GPC6: variants seen among roughly 807,000 people sequenced by gnomAD.
GPC6 encodes the protein glypican-6.
GPC6 carries 14 observed loss-of-function variants against 55.2 expected under a neutral mutation model. The ratio of observed to expected loss-of-function variants is 0.25; its 90% CI spans 0.17 to 0.40. The LOEUF (loss-of-function observed/expected upper bound fraction) is 0.40. Among genes scored for constraint, GPC6 ranks in the 10% least tolerant of loss-of-function variants. GPC6 has a pLI of 1.00. For synonymous variants in GPC6, 278 were observed against 259.6 expected (o/e 1.07, Z -0.68); for missense variants, 641 against 708.5 (o/e 0.90, Z 1.08).
intron 2 of GPC6, among the ~76,000 whole-genome samples, chr13:93,565,673 C>T (rs1462665306): frequency 6.6e-6 from 1 of 152,016 alleles, no homozygotes; most frequent in African/African-American, 2.4e-5. Flanking sequence ...CCTTTAATCC[C>T]AGCACTTTGG....
chr13:93,366,475 T>C (rs1020644446), intron 1 of GPC6, among the ~76,000 whole-genome samples: 1 of 152,092 alleles, frequency 6.6e-6, no homozygotes, highest in Admixed American at 6.6e-5. Flanking sequence ...GCATGCTTCA[T>C]TGCAGCTCAA....
chr13:93,960,820 T>TC (rs1879736448), intron 3 of GPC6, among the ~76,000 whole-genome samples: 1 of 149,708 alleles, frequency 6.7e-6, no homozygotes. Flanking sequence ...TTTTTCTTTT[T>TC]TTTTTTTTTT....
At chr13:93,716,217 A>G (rs548950540) in intron 2 of GPC6, among the ~76,000 whole-genome samples, 1 of 151,788 alleles carries the variant, frequency 6.6e-6, no homozygotes, top group Admixed American at 6.6e-5. Flanking sequence ...TGCATTTACT[A>G]TACTATGTTT....
At chr13:93,938,182 C>T (rs1160634627) in intron 3 of GPC6, among the ~76,000 whole-genome samples, 1 of 152,050 alleles carries the variant, frequency 6.6e-6, no homozygotes, top group East Asian at 1.9e-4. Flanking sequence ...GCCAATTTTT[C>T]CTGATAATAG....
chr13:94,103,810 A>C (rs1449134904), intron 4 of GPC6, among the ~76,000 whole-genome samples: 1 of 152,040 alleles, frequency 6.6e-6, no homozygotes, highest in Non-Finnish European at 1.5e-5. Context: ...TAGATTGCAA[A>C]AATTTTCTCC....
chr13:94,175,961 G>T (rs199912308), intron 4 of GPC6, among the ~76,000 whole-genome samples: 6,608 of 117,482 alleles, frequency 0.056, 178 homozygotes, highest in Middle Eastern at 0.09. Context: ...TATATAGAGA[G>T]AGAGAGAGAG....
chr13:94,284,726 T>G (rs925241003), intron 4 of GPC6, among the ~76,000 whole-genome samples: 21 of 152,188 alleles, frequency 1.4e-4, no homozygotes, highest in African/African-American at 4.8e-4. Context: ...TTTGTGTGTT[T>G]TTTAGTAAAA....
chr13:93,854,133 C>T (rs8001985), intron 3 of GPC6, among the ~76,000 whole-genome samples: 100,980 of 151,242 alleles, frequency 0.67, 34,342 homozygotes, highest in East Asian at 0.81. Flanking sequence ...CATAATCTGC[C>T]TACTCAGCCA....
chr13:94,126,854 G>A (rs74798719), intron 4 of GPC6, among the ~76,000 whole-genome samples: 1,567 of 152,180 alleles, frequency 0.01, 11 homozygotes, highest in Middle Eastern at 0.061. Flanking sequence ...AAGTTGTGTT[G>A]TTCTGAAAAT....
intron 3 of GPC6, among the ~76,000 whole-genome samples, chr13:93,994,812 C>G (rs1245540895): frequency 6.6e-6 from 1 of 152,154 alleles, no homozygotes; most frequent in Non-Finnish European, 1.5e-5. Flanking sequence ...TAAATGGGCA[C>G]ACTTATTCAT....
chr13:94,132,781 G>A (rs1887045965), intron 4 of GPC6, among the ~76,000 whole-genome samples: 1 of 152,268 alleles, frequency 6.6e-6, no homozygotes, highest in African/African-American at 2.4e-5. Flanking sequence ...CGGTCACGGA[G>A]TCAGATGCTG....
chr13:94,342,697 T>G (rs1566698425), intron 6 of GPC6, among the ~76,000 whole-genome samples: 1 of 152,166 alleles, frequency 6.6e-6, no homozygotes, highest in Admixed American at 6.5e-5. Flanking sequence ...GGGAAATTCT[T>G]TCTCCATCCG....
chr13:93,314,447 G>A (rs1359386682), intron 1 of GPC6, among the ~76,000 whole-genome samples: 1 of 152,072 alleles, frequency 6.6e-6, no homozygotes, highest in African/African-American at 2.4e-5. Context: ...GACCAGGTTG[G>A]GGAAATAAAG....
chr13:94,191,285 C>G (rs1889385506), intron 4 of GPC6, among the ~76,000 whole-genome samples: 1 of 152,128 alleles, frequency 6.6e-6, no homozygotes, highest in Admixed American at 6.5e-5. Context: ...CAAGTTAAGG[C>G]TGAATATAAA....
At chr13:93,308,839 CA>C (rs1386328780) in intron 1 of GPC6, among the ~76,000 whole-genome samples, 1 of 152,136 alleles carries the variant, frequency 6.6e-6, no homozygotes, top group East Asian at 1.9e-4. Context: ...AGGAAGAAAG[CA>C]AACTGCAACA....
intron 2 of GPC6, among the ~76,000 whole-genome samples, chr13:93,827,000 T>A (rs905327066): frequency 6.6e-6 from 1 of 152,212 alleles, no homozygotes; most frequent in Non-Finnish European, 1.5e-5. Context: ...AGGCTAATGC[T>A]GGCTAGGAAA....
At chr13:93,691,214 C>T (rs1040706068) in intron 2 of GPC6, among the ~76,000 whole-genome samples, 2 of 152,038 alleles carry the variant, frequency 1.3e-5, no homozygotes, top group African/African-American at 2.4e-5. Context: ...TATTTTTTCT[C>T]CAGCCTCCTT....
chr13:93,910,380 A>G (rs941126135), intron 3 of GPC6, among the ~76,000 whole-genome samples: 4 of 152,142 alleles, frequency 2.6e-5, no homozygotes, highest in African/African-American at 9.7e-5. Context: ...ATGTGAGACC[A>G]TTAAACCTCT....
chr13:94,166,644 C>A (rs1200486954), intron 4 of GPC6, among the ~76,000 whole-genome samples: 1 of 152,094 alleles, frequency 6.6e-6, no homozygotes, highest in East Asian at 1.9e-4. Context: ...GTTTTGTAAT[C>A]TTTTTTATTA....
Sources: allele counts gnomAD v4.1 joint callset (sites outside exome capture counted in the v4.1 genomes callset), GRCh38; gene constraint gnomAD v4.1.1; transcripts MANE v1.5; gene names NCBI Gene and HGNC (gene_info 2026-07-23, HGNC 2026-07-21).